Variants in MBNL1 observed in about 807,000 individuals in gnomAD.
The protein encoded by MBNL1 is muscleblind-like protein 1.
In MBNL1, 8 loss-of-function variants were observed where a neutral mutation model predicts 42.2. The observed-to-expected ratio is 0.19, with a 90% CI of 0.11 to 0.34. The LOEUF is 0.34. MBNL1 is among the 10% of genes least tolerant of loss of function. The probability of loss-of-function intolerance (pLI) is 1.00; values close to 1 mark genes in which losing one functional copy is unlikely to be tolerated. For synonymous variants in MBNL1, 169 were observed against 173.9 expected, an observed-to-expected ratio of 0.97 and a Z score of 0.22; for missense variants, 309 against 495.3, an observed-to-expected ratio of 0.62 and a Z score of 3.57.
chr3:152,373,870 A>G (rs2096785944), intron 2 of MBNL1, among the ~76,000 whole-genome samples: 1 of 152,216 alleles, frequency 6.6e-6, no homozygotes, highest in African/African-American at 2.4e-5. Context: ...AGATTTATAA[A>G]TGAAGATTTT....
intron 2 of MBNL1, among the ~76,000 whole-genome samples, chr3:152,387,897 G>A (rs1255884706): frequency 6.6e-6 from 1 of 152,138 alleles, no homozygotes; most frequent in Non-Finnish European, 1.5e-5. Flanking sequence ...GGATGAGATG[G>A]TATTATTAAT....
intron 1 of MBNL1, among the ~76,000 whole-genome samples, chr3:152,298,031 C>G (rs898194633): frequency 6.6e-6 from 1 of 152,032 alleles, no homozygotes; most frequent in Non-Finnish European, 1.5e-5. Flanking sequence ...GTTTTTTAAA[C>G]GAAATTTAGT....
intron 2 of MBNL1, among the ~76,000 whole-genome samples, chr3:152,407,558 G>T (rs2098463162): frequency 1.3e-5 from 2 of 152,058 alleles, no homozygotes; most frequent in South Asian, 4.1e-4. Flanking sequence ...TGCCTTTAAA[G>T]ATGGTAAAAC....
intron 2 of MBNL1, among the ~76,000 whole-genome samples, chr3:152,411,449 G>A (rs776205675): frequency 2.5e-4 from 38 of 152,214 alleles, no homozygotes; most frequent in Non-Finnish European, 4.6e-4. Context: ...GAACCCAGGA[G>A]GCGGAGCTTG....
rs939203110 is a variant in MBNL1 at position 152,432,511 on chromosome 3, A to G, written c.346-206A>G. On this transcript the variant is annotated intron_variant, in intron 3 of 9. Transcript: ENST00000324210. The stretch of plus-strand genomic sequence containing the variant: ...TAATTTAATGGATATTTTACTTATT[A>G]TATTTTAGAAAAACATTGATTTGAT... Among the ~76,000 whole-genome samples, 4 of 152,204 alleles carry G rather than the reference A, an allele frequency of 2.6e-5. No homozygotes were observed. The East Asian group carries it at 5.8e-4, about 22-fold the overall frequency.
At chr3:152,323,777 A>C (rs1280770221) in intron 2 of MBNL1, among the ~76,000 whole-genome samples, 1 of 152,148 alleles carries the variant, frequency 6.6e-6, no homozygotes, top group Admixed American at 6.6e-5. Flanking sequence ...GGGTGGTAGG[A>C]ATTTTTCAGC....
intron 2 of MBNL1, among the ~76,000 whole-genome samples, chr3:152,303,332 A>G (rs1219386839): frequency 6.6e-6 from 1 of 152,188 alleles, no homozygotes; most frequent in Non-Finnish European, 1.5e-5. Context: ...TAGTATATAA[A>G]CAATACTCTA....
chr3:152,243,993 CGGA>C (rs2032277545), exon 1 of MBNL1: 1 of 152,092 alleles, frequency 6.6e-6, no homozygotes, highest in Non-Finnish European at 1.5e-5. Context: ...TTAGTAGAGA[CGGA>C]GTTTCACTAT....
intron 2 of MBNL1, among the ~76,000 whole-genome samples, chr3:152,378,724 T>C (rs945237328): frequency 1.3e-5 from 2 of 152,184 alleles, no homozygotes; most frequent in Non-Finnish European, 2.9e-5. Flanking sequence ...TATTTATTTA[T>C]TTTATATTTA....
At chr3:152,277,080 G>C (rs1482213665) in intron 1 of MBNL1, among the ~76,000 whole-genome samples, 4 of 152,054 alleles carry the variant, frequency 2.6e-5, no homozygotes, top group South Asian at 2.1e-4. Flanking sequence ...CCTTATTTAA[G>C]AATTATATAA....
At chr3:152,295,590 C>T in intron 1 of MBNL1, among the ~76,000 whole-genome samples, 1 of 152,054 alleles carries the variant, frequency 6.6e-6, no homozygotes, top group East Asian at 1.9e-4. Context: ...GGACCTACAC[C>T]CTGTTGTCAG....
At chr3:152,275,621 T>C (rs748460918) in intron 1 of MBNL1, among the ~76,000 whole-genome samples, 7 of 149,866 alleles carry the variant, frequency 4.7e-5, no homozygotes, top group Non-Finnish European at 7.4e-5. Context: ...GGCAGGGGGA[T>C]TGCTTGAACT....
Position 152,300,071 on chromosome 3 carries a change from A to G in MBNL1, c.-123A>G, listed in dbSNP as rs1577379031. 3 of 579,436 alleles carry G rather than the reference A, an allele frequency of 5.2e-6. No individual in the cohort carries two copies. The highest frequency in any genetic ancestry group is 9.0e-6 in the Non-Finnish European group (3 of 332,108). 35.9% of individuals were successfully genotyped at this position (579,436 alleles called of 1,614,324 possible). A position where few individuals can be genotyped will look rare whatever the true frequency, so the allele number is the denominator to read the frequency against. On this transcript the variant is annotated 5_prime_UTR_variant, in exon 2 of 10. Coordinates refer to ENST00000324210, the MANE Select transcript of MBNL1 (RefSeq NM_021038.5). ...GTACTTTTAAAGCAGGGAGTGGGGA[A>G]AAGTATTTTGAGGGGACATTTTCAT...
In MBNL1 at chr3:152,308,373, A is replaced by C. The variant is rs138158634; in HGVS notation, c.174+8006A>C. On this transcript the variant is annotated intron_variant, in intron 2 of 9. Transcript: ENST00000324210. The stretch of plus-strand genomic sequence containing the variant: ...AAATTCAGCTTGCCTAGTGCAGGGG[A>C]GGTGGCCTTTCCCAAAGTCCTGGAA... Among the ~76,000 whole-genome samples, 855 of 152,206 alleles carry C rather than the reference A, an allele frequency of 5.6e-3. 9 individuals are homozygous for C. The highest frequency in any genetic ancestry group is 0.02 in the African/African-American group (824 of 41,536).
chr3:152,276,544 G>A (rs1221332138), intron 1 of MBNL1, among the ~76,000 whole-genome samples: 2 of 152,076 alleles, frequency 1.3e-5, no homozygotes, highest in South Asian at 2.1e-4. Flanking sequence ...ATAAACGTTT[G>A]GAATACTTTA....
chr3:152,260,881 G>C (rs1022819887), intron 2 of MBNL1, among the ~76,000 whole-genome samples: 4 of 152,146 alleles, frequency 2.6e-5, no homozygotes, highest in African/African-American at 9.7e-5. Context: ...CACCAGTTTA[G>C]CTATCCACAG....
chr3:152,342,452 A>T (rs1471295889), intron 2 of MBNL1, among the ~76,000 whole-genome samples: 1 of 152,058 alleles, frequency 6.6e-6, no homozygotes, highest in African/African-American at 2.4e-5. Context: ...AATAGCCAAT[A>T]AATTATTGAT....
At chr3:152,333,363 G>T (rs1230453234) in intron 2 of MBNL1, among the ~76,000 whole-genome samples, 2 of 152,214 alleles carry the variant, frequency 1.3e-5, no homozygotes, top group Non-Finnish European at 2.9e-5. Flanking sequence ...TATAAGATAA[G>T]TTTGTGTGCA....
At chr3:152,320,635 A>G (rs1339700741) in intron 2 of MBNL1, among the ~76,000 whole-genome samples, 1 of 151,684 alleles carries the variant, frequency 6.6e-6, no homozygotes, top group East Asian at 1.9e-4. Context: ...AAGGTTGCAT[A>G]GGGAGAAATG....
Sources: allele counts gnomAD v4.1 joint callset (sites outside exome capture counted in the v4.1 genomes callset), GRCh38; gene constraint gnomAD v4.1.1; transcripts MANE v1.5; gene names NCBI Gene and HGNC (gene_info 2026-07-23, HGNC 2026-07-21).